Variants in TAF3 observed in about 807,000 individuals in gnomAD.
TAF3 encodes the protein TATA-box binding protein associated factor 3.
Under a neutral mutation model 80.6 loss-of-function variants are expected in TAF3, and 7 were observed. That is an observed-to-expected ratio of 0.09 (90% CI 0.05 to 0.16). The LOEUF (loss-of-function observed/expected upper bound fraction) is 0.16, where lower values mean the gene tolerates loss of function less well. TAF3 is among the 10% of genes least tolerant of loss of function. The probability of loss-of-function intolerance (pLI) is 1.00; values close to 1 mark genes in which losing one functional copy is unlikely to be tolerated. For synonymous variants in TAF3, 444 were observed against 446.1 expected (o/e 1.00, Z 0.06); for missense variants, 921 against 1,140.2 (o/e 0.81, Z 2.77).
chr10:7,964,466 A>G lies in TAF3; in HGVS notation c.956A>G (p.Lys319Arg). ...TCACCTGGACGTTCCAAGAGCCCCA[A>G]GAGTCCCAAGAGCCCCAAGGTCACG... ...KKSPGRSKSP[K>R]SPKSPKVTTH... is the part of the protein sequence containing the mutation. Residue 319 changes from lysine to arginine, a missense_variant, in exon 3 of 7, where the codon AAG becomes AGG. By Grantham distance (26) the Lys-to-Arg change is conservative. Coordinates refer to ENST00000344293, the MANE Select transcript of TAF3 (RefSeq NM_031923.4). This position sits in a 1 kb window ranked among gnomAD's most constrained non-coding sequence, Gnocchi z 4.1. The G allele has an allele frequency of 2.5e-6, 4 of 1,613,762 alleles. No individual in the cohort carries two copies. Among genetic ancestry groups the G allele is most frequent in the Non-Finnish European group, 3.4e-6 (4 of 1,179,910 alleles).
intron 2 of TAF3, among the ~76,000 whole-genome samples, chr10:7,920,460 G>T (rs770574920): frequency 3.3e-5 from 5 of 151,204 alleles, no homozygotes; most frequent in Admixed American, 2.0e-4. Context: ...TTTGCATTTT[G>T]TTCTGCAATT....
intron 2 of TAF3, among the ~76,000 whole-genome samples, chr10:7,958,849 T>A (rs868769785): frequency 4.6e-5 from 7 of 152,212 alleles, no homozygotes; most frequent in African/African-American, 1.2e-4. Flanking sequence ...AGTTTTAGGC[T>A]TTTGGCCGGG....
At chr10:7,830,552 C>A (rs182233305) in intron 2 of TAF3, among the ~76,000 whole-genome samples, 3 of 122,588 alleles carry the variant, frequency 2.4e-5, no homozygotes, top group African/African-American at 9.2e-5. Flanking sequence ...GGCGCAATCT[C>A]GGCTCACTGC....
At chr10:7,997,773 A>G (rs555533420) in intron 4 of TAF3, among the ~76,000 whole-genome samples, 2 of 152,294 alleles carry the variant, frequency 1.3e-5, no homozygotes, top group African/African-American at 4.8e-5. Flanking sequence ...TTACTATGCA[A>G]TTAAACAGGA....
intron 2 of TAF3, among the ~76,000 whole-genome samples, chr10:7,894,472 G>C (rs1459318642): frequency 2.6e-5 from 4 of 152,220 alleles, no homozygotes; most frequent in African/African-American, 9.6e-5. Flanking sequence ...AGCAAGTGTA[G>C]TGTGATGCGT....
chr10:7,957,451 A>G (rs1311551841), intron 2 of TAF3, among the ~76,000 whole-genome samples: 2 of 152,146 alleles, frequency 1.3e-5, no homozygotes, highest in South Asian at 4.1e-4. Context: ...TTTCCAAGGC[A>G]TATCTCTATT....
intron 2 of TAF3, among the ~76,000 whole-genome samples, chr10:7,834,482 A>G (rs1039566349): frequency 6.6e-6 from 1 of 152,048 alleles, no homozygotes; most frequent in Non-Finnish European, 1.5e-5. Flanking sequence ...GTGCTAAGGG[A>G]TACTTATTAT....
At chr10:7,924,786 A>G (rs950208742) in intron 2 of TAF3, among the ~76,000 whole-genome samples, 1 of 152,050 alleles carries the variant, frequency 6.6e-6, no homozygotes, top group Non-Finnish European at 1.5e-5. Flanking sequence ...AGGGACATGA[A>G]TTTTAAACTT....
chr10:7,859,327 G>A (rs1022515592), intron 2 of TAF3, among the ~76,000 whole-genome samples: 35 of 151,770 alleles, frequency 2.3e-4, no homozygotes, highest in Non-Finnish European at 3.7e-4. Context: ...AAAGAGAAGT[G>A]TGATGCCTCT....
chr10:7,840,854 C>CT lies in TAF3; in HGVS notation c.409+16306dup, dbSNP rs913492093. Among the ~76,000 whole-genome samples the CT allele has an allele frequency of 1.7e-3, 246 of 146,112 alleles. 1 individual carries two copies. The highest frequency in any genetic ancestry group is 4.2e-3 in the East Asian group (21 of 5,052). ...ATTTCATGTTTTCTTTTCTTTCTTT[C>CT]TTTTTTTTTTTTGAGATGGAGTTTT... On this transcript the variant is annotated intron_variant, in intron 2 of 6. Transcript: ENST00000344293.
intron 2 of TAF3, among the ~76,000 whole-genome samples, chr10:7,923,026 CAGTT>C (rs1186099351): frequency 2.0e-5 from 3 of 152,062 alleles, no homozygotes; most frequent in Non-Finnish European, 4.4e-5. Context: ...GCCTACCAAA[CAGTT>C]AATTATCTCA....
At chr10:7,884,402 T>TG (rs1564355996) in intron 2 of TAF3, among the ~76,000 whole-genome samples, 11 of 150,106 alleles carry the variant, frequency 7.3e-5, no homozygotes, top group African/African-American at 2.7e-4. Context: ...CTTTTTTTTT[T>TG]TGAGATGGAG....
chr10:7,871,592 TGC>T (rs1222554551), intron 2 of TAF3, among the ~76,000 whole-genome samples: 2 of 151,900 alleles, frequency 1.3e-5, no homozygotes, highest in African/African-American at 4.8e-5. Flanking sequence ...TATAGGCATG[TGC>T]CACCATGCCT....
At chr10:7,841,491 A>G (rs921574363) in intron 2 of TAF3, among the ~76,000 whole-genome samples, 1 of 152,198 alleles carries the variant, frequency 6.6e-6, no homozygotes. Context: ...GAGGTCTCTA[A>G]CCTAGTGTGC....
At chr10:7,928,010 T>C (rs1837831547) in intron 2 of TAF3, among the ~76,000 whole-genome samples, 1 of 152,150 alleles carries the variant, frequency 6.6e-6, no homozygotes, top group South Asian at 2.1e-4. Context: ...GATGAAGAAT[T>C]ATTTGTTTTA....
intron 2 of TAF3, among the ~76,000 whole-genome samples, chr10:7,837,536 G>C (rs1021222039): frequency 6.6e-6 from 1 of 152,194 alleles, no homozygotes; most frequent in African/African-American, 2.4e-5. Context: ...TCATCTACTC[G>C]GGTGGCTGAG....
intron 2 of TAF3, among the ~76,000 whole-genome samples, chr10:7,830,473 C>CTTTTTTTTTTTTTTTT (rs1176707860): frequency 5.2e-5 from 3 of 57,678 alleles, no homozygotes; most frequent in African/African-American, 6.7e-5. Context: ...CTTTACATGT[C>CTTTTTTTTTTTTTTTT]TTTTTTTTTT....
intron 2 of TAF3, among the ~76,000 whole-genome samples, chr10:7,873,187 A>G (rs945481905): frequency 6.6e-6 from 1 of 152,172 alleles, no homozygotes; most frequent in Admixed American, 6.5e-5. Context: ...TAAATCTTTA[A>G]TCGATAGCCA....
intron 4 of TAF3, among the ~76,000 whole-genome samples, chr10:7,992,740 A>T (rs913076437): frequency 6.6e-6 from 1 of 152,216 alleles, no homozygotes; most frequent in African/African-American, 2.4e-5. Flanking sequence ...TTCTGGATTG[A>T]ACGCATATTA....
Sources: gnomAD v4.1 joint callset for allele counts (sites outside exome capture counted in the v4.1 genomes callset) on GRCh38, gnomAD v4.1.1 for gene constraint, Gnocchi (gnomAD v3.1) non-coding constraint, MANE v1.5 for transcripts, NCBI Gene and HGNC (gene_info 2026-07-23, HGNC 2026-07-21) for gene names.